Variants in FGF13 observed in about 807,000 individuals in gnomAD.
FGF13 encodes the protein fibroblast growth factor homologous factor 2.
Under a neutral mutation model 19.5 loss-of-function variants are expected in FGF13, and 2 were observed. The ratio of observed to expected loss-of-function variants is 0.10; its 90% CI spans 0.04 to 0.32. FGF13 has a LOEUF of 0.32. FGF13 is among the 10% of genes least tolerant of loss of function. FGF13 has a pLI of 1.00. For synonymous variants in FGF13, 72 were observed against 76.9 expected (o/e 0.94, Z 0.33); for missense variants, 113 against 192.7 (o/e 0.59, Z 2.45).
upstream of FGF13, chrX:139,204,003 A>T: frequency 8.6e-7 from 1 of 1,161,920 alleles, no homozygotes. Context: ...CGCGCACGCG[A>T]GGGGGCGAGG....
chrX:138,939,404 G>A (rs1219523710), intron 1 of FGF13, among the ~76,000 whole-genome samples: 1 of 112,056 alleles, frequency 8.9e-6, no homozygotes, highest in Non-Finnish European at 1.9e-5. Context: ...ATTTTCATAT[G>A]TTAGAGTTTA....
At position 138,942,017 on chromosome X, in the gene FGF13, CAG is replaced by C. The variant is rs750863778; in HGVS notation, c.-112-77369_-112-77368del. Among the ~76,000 whole-genome samples, 17 of 112,284 alleles carry C rather than the reference CAG, an allele frequency of 1.5e-4. No individual in the cohort carries two copies. In the East Asian group the frequency reaches 4.5e-3, roughly 30 times the overall value. ...CTCATTGGCATTATTTTCAAATAAACAGAGTCTATAGTCCCAGCCTTTCCTTG... is the reference window on the plus strand; with the variant it reads ...CTCATTGGCATTATTTTCAAATAAACAGTCTATAGTCCCAGCCTTTCCTTG... On this transcript the variant is annotated intron_variant, in intron 1 of 2. Transcript: ENST00000421460.
intron 1 of FGF13, among the ~76,000 whole-genome samples, chrX:139,134,800 C>A (rs964631619): frequency 8.9e-6 from 1 of 112,029 alleles, no homozygotes; most frequent in Non-Finnish European, 1.9e-5. Flanking sequence ...AGGCACCCAT[C>A]CTCATGCCTG....
chrX:139,032,755 T>C (rs1262482400), intron 1 of FGF13, among the ~76,000 whole-genome samples: 2 of 110,053 alleles, frequency 1.8e-5, no homozygotes, highest in African/African-American at 6.6e-5. Context: ...TGCTTCCTGC[T>C]CTGCTGGGGT....
intron 3 of FGF13, among the ~76,000 whole-genome samples, chrX:138,801,340 C>T (rs2090827521): frequency 8.9e-6 from 1 of 112,122 alleles, no homozygotes; most frequent in Non-Finnish European, 1.9e-5. Context: ...AGTTAGGCCC[C>T]TCTTCTGCAG....
chrX:138,948,942 A>T (rs2091795878), intron 1 of FGF13, among the ~76,000 whole-genome samples: 1 of 111,984 alleles, frequency 8.9e-6, no homozygotes, highest in Admixed American at 9.5e-5. Flanking sequence ...TGAATTAGAG[A>T]GGTAAGGAAC....
chrX:138,895,599 G>A (rs182655796), intron 1 of FGF13, among the ~76,000 whole-genome samples: 41 of 111,680 alleles, frequency 3.7e-4, no homozygotes, highest in Non-Finnish European at 7.2e-4. Flanking sequence ...ATAGTATGGA[G>A]GTACCTGAGA....
downstream of FGF13, among the ~76,000 whole-genome samples, chrX:138,853,616 T>TGTGC (rs1170103451): frequency 1.3e-5 from 1 of 78,983 alleles, no homozygotes; most frequent in Non-Finnish European, 2.6e-5. Context: ...TGTGTGTGCG[T>TGTGC]GTGCGTGTGT....
intron 1 of FGF13, among the ~76,000 whole-genome samples, chrX:139,034,356 A>G (rs1265372233): frequency 2.7e-5 from 3 of 111,493 alleles, no homozygotes; most frequent in African/African-American, 9.8e-5. Context: ...AGAAAGAATG[A>G]AGGGGAGTGA....
At chrX:138,887,073 T>C (rs1366696428) in intron 1 of FGF13, among the ~76,000 whole-genome samples, 2 of 111,698 alleles carry the variant, frequency 1.8e-5, no homozygotes, top group Non-Finnish European at 3.8e-5. Context: ...TGGCATCAGA[T>C]TGAATGAGTT....
intron 3 of FGF13, among the ~76,000 whole-genome samples, chrX:138,794,550 T>G (rs1372460489): frequency 8.9e-6 from 1 of 112,048 alleles, no homozygotes; most frequent in East Asian, 2.8e-4. Context: ...CAGTCTGATC[T>G]CTCATGTCCT....
intron 3 of FGF13, among the ~76,000 whole-genome samples, chrX:138,764,613 C>T (rs1338020649): frequency 8.9e-6 from 1 of 112,239 alleles, no homozygotes; most frequent in East Asian, 2.8e-4. Flanking sequence ...GTTATAGAAC[C>T]TGCCATTAGT....
intron 1 of FGF13, among the ~76,000 whole-genome samples, chrX:139,169,224 C>T (rs1390836737): frequency 8.9e-6 from 1 of 112,113 alleles, no homozygotes; most frequent in African/African-American, 3.2e-5. Flanking sequence ...CCCCATTTAT[C>T]TCTTGCTCTT....
intron 3 of FGF13, among the ~76,000 whole-genome samples, chrX:138,752,399 C>A (rs547091689): frequency 2.7e-5 from 3 of 110,570 alleles, no homozygotes; most frequent in African/African-American, 9.9e-5. Flanking sequence ...GCACTCCAGC[C>A]TGTGCAACAG....
At chrX:138,951,862 C>T (rs2091814662) in intron 1 of FGF13, among the ~76,000 whole-genome samples, 1 of 111,245 alleles carries the variant, frequency 9.0e-6, no homozygotes, top group Non-Finnish European at 1.9e-5. Flanking sequence ...CATTATCACC[C>T]AGGAAATCCA....
intron 3 of FGF13, among the ~76,000 whole-genome samples, chrX:138,810,132 C>T (rs1235218467): frequency 9.0e-6 from 1 of 111,718 alleles, no homozygotes; most frequent in Non-Finnish European, 1.9e-5. Flanking sequence ...GCCTGCATTG[C>T]CAAGACAATC....
At chrX:138,807,853 C>A (rs1602888439) in intron 3 of FGF13, among the ~76,000 whole-genome samples, 1 of 111,849 alleles carries the variant, frequency 8.9e-6, no homozygotes, top group Non-Finnish European at 1.9e-5. Context: ...AAGGCCATTA[C>A]ATAATGGTAA....
At chrX:138,794,142 ACT>A (rs1422525463) in intron 3 of FGF13, among the ~76,000 whole-genome samples, 1 of 111,381 alleles carries the variant, frequency 9.0e-6, no homozygotes, top group African/African-American at 3.3e-5. Flanking sequence ...ATATTTTATA[ACT>A]CTGAAAATAG....
chrX:138,967,819 A>T (rs1030188123), intron 1 of FGF13, among the ~76,000 whole-genome samples: 1 of 111,602 alleles, frequency 9.0e-6, no homozygotes, highest in African/African-American at 3.3e-5. Context: ...TGTGGAGGAG[A>T]TGAAATGGAA....
Sources: gnomAD v4.1 joint callset for allele counts (sites outside exome capture counted in the v4.1 genomes callset) on GRCh38, gnomAD v4.1.1 for gene constraint, MANE v1.5 for transcripts, NCBI Gene and HGNC (gene_info 2026-07-23, HGNC 2026-07-21) for gene names.